TNKS: variants seen among roughly 807,000 people sequenced by gnomAD.
The protein encoded by TNKS is tankyrase, also known as poly [ADP-ribose] polymerase tankyrase-1.
TNKS carries 72 observed loss-of-function variants against 135.8 expected under a neutral mutation model. The ratio of observed to expected loss-of-function variants is 0.53; its 90% confidence interval spans 0.44 to 0.64. TNKS has a LOEUF of 0.64. Ranked by LOEUF, TNKS falls within the 30% of genes least tolerant of loss-of-function variation. TNKS has a pLI of 0.00. For synonymous variants in TNKS, 849 were observed against 649.3 expected (o/e 1.31, Z -4.68); for missense variants, 1,769 against 1,674.0 (o/e 1.06, Z -0.99).
At chr8:9,742,496 C>T (rs923942681) in intron 17 of TNKS, among the ~76,000 whole-genome samples, 1 of 151,550 alleles carries the variant, frequency 6.6e-6, no homozygotes, top group Non-Finnish European at 1.5e-5. Context: ...CTTGTAAAAC[C>T]TATAATCTAT....
chr8:9,767,515 C>A (rs926614498), intron 25 of TNKS, among the ~76,000 whole-genome samples: 4 of 152,118 alleles, frequency 2.6e-5, no homozygotes, highest in African/African-American at 9.7e-5. Context: ...GGGAGAAAAG[C>A]CCCAGTAACC....
At chr8:9,772,936 A>G in intron 26 of TNKS, among the ~76,000 whole-genome samples, 2 of 148,950 alleles carry the variant, frequency 1.3e-5, no homozygotes, top group Non-Finnish European at 3.0e-5. Context: ...AAATGAGATA[A>G]ATAAAACCTT....
chr8:9,750,584 T>C (rs1563208950), intron 18 of TNKS, among the ~76,000 whole-genome samples: 1 of 152,140 alleles, frequency 6.6e-6, no homozygotes, highest in East Asian at 1.9e-4. Flanking sequence ...CTTGCCTATC[T>C]ATCTTCCATT....
intron 3 of TNKS, among the ~76,000 whole-genome samples, chr8:9,643,916 A>G (rs773019577): frequency 2.6e-5 from 4 of 152,186 alleles, no homozygotes; most frequent in African/African-American, 9.7e-5. Context: ...GTGGTATGGA[A>G]TACAATGGAG....
At chr8:9,675,975 C>T (rs910175870) in intron 3 of TNKS, among the ~76,000 whole-genome samples, 14 of 151,050 alleles carry the variant, frequency 9.3e-5, no homozygotes, top group Non-Finnish European at 2.1e-4. Flanking sequence ...GTTTGGATAC[C>T]ATGCATAATG....
intron 3 of TNKS, among the ~76,000 whole-genome samples, chr8:9,673,860 G>T (rs952279894): frequency 6.6e-6 from 1 of 152,054 alleles, no homozygotes; most frequent in African/African-American, 2.4e-5. Context: ...CCATACTTTG[G>T]TGAGCTTTTT....
chr8:9,729,809 C>T (rs1171709060), intron 13 of TNKS, among the ~76,000 whole-genome samples: 2 of 125,688 alleles, frequency 1.6e-5, no homozygotes, highest in East Asian at 2.4e-4. Flanking sequence ...GGGTCTCACT[C>T]TGTCACCAGA....
intron 18 of TNKS, among the ~76,000 whole-genome samples, chr8:9,749,314 G>T (rs1420616568): frequency 6.6e-6 from 1 of 152,126 alleles, no homozygotes; most frequent in East Asian, 1.9e-4. Flanking sequence ...GGGGCAGATA[G>T]TCATCACTGG....
chr8:9,556,406 C>T lies in TNKS; in HGVS notation c.467C>T (p.Ala156Val). 6.2e-7 allele frequency: 1 copy of T among 1,614,234 alleles called. No homozygotes were observed. ...TCGAGCTTGGCGGAGAGCCCCGAGG[C>T]GGCCGGAGTTAGCAGCACAGCACCA... ...PGSSLAESPE[A>V]AGVSSTAPLG... Residue 156 changes from alanine (A) to valine (V), a missense_variant, in exon 1 of 27, where the codon GCG becomes GTG. Ala to Val is a moderately conservative substitution (Grantham distance 64). Transcript: ENST00000310430.
chr8:9,570,965 C>G (rs1797733029), intron 1 of TNKS, among the ~76,000 whole-genome samples: 1 of 152,060 alleles, frequency 6.6e-6, no homozygotes, highest in Non-Finnish European at 1.5e-5. Flanking sequence ...TAAGACCTGT[C>G]TCTTAAATAA....
At chr8:9,609,286 C>T (rs964900783) in intron 2 of TNKS, among the ~76,000 whole-genome samples, 1 of 152,116 alleles carries the variant, frequency 6.6e-6, no homozygotes, top group Non-Finnish European at 1.5e-5. Flanking sequence ...GGACATTTTA[C>T]CAACTGTTTA....
chr8:9,613,345 C>A (rs1563117222), intron 2 of TNKS, among the ~76,000 whole-genome samples: 1 of 152,104 alleles, frequency 6.6e-6, no homozygotes, highest in Non-Finnish European at 1.5e-5. Flanking sequence ...CTGACCAGCA[C>A]CTTTGCTTGT....
chr8:9,750,785 G>A (rs1806481409), intron 18 of TNKS, among the ~76,000 whole-genome samples: 1 of 152,198 alleles, frequency 6.6e-6, no homozygotes, highest in African/African-American at 2.4e-5. Flanking sequence ...AGTTGACTGG[G>A]CTCAGCTGGG....
At chr8:9,770,387 T>G in intron 26 of TNKS, 125 bp downstream of exon 26, 1 of 1,022,066 alleles carries the variant, frequency 9.8e-7, no homozygotes, top group Non-Finnish European at 1.4e-6. Flanking sequence ...TATTAATTAC[T>G]TCAGATACAA....
At chr8:9,741,370 T>C (rs1805950354) in intron 17 of TNKS, among the ~76,000 whole-genome samples, 1 of 152,204 alleles carries the variant, frequency 6.6e-6, no homozygotes, top group African/African-American at 2.4e-5. Context: ...GTAAGGCTTA[T>C]GTTACACTGT....
rs1483177176 is a variant in TNKS at position 9,772,045 on chromosome 8, C to G, written c.3897+1783C>G. 3.4e-5 allele frequency among the ~76,000 whole-genome samples: 3 copies of G among 87,710 alleles called. No individual in the cohort carries two copies. The South Asian group carries it at 1.4e-3, about 40-fold the overall frequency. 57.5% of individuals were successfully genotyped at this position (87,710 alleles called of 152,430 possible). The stretch of plus-strand genomic sequence containing the variant: ...GAGAAAGGGAGGGAGTGAGAGGAGA[C>G]AGAGGTAGGGAGGGATGGAGGGGGA... On this transcript the variant is annotated intron_variant, in intron 26 of 26. Coordinates refer to ENST00000310430, the MANE Select transcript of TNKS (RefSeq NM_003747.3).
intron 3 of TNKS, among the ~76,000 whole-genome samples, chr8:9,618,011 G>A (rs1799711188): frequency 7.3e-6 from 1 of 137,930 alleles, no homozygotes; most frequent in Non-Finnish European, 1.5e-5. Flanking sequence ...TTTTGAGATG[G>A]AGTTTTGCTC....
chr8:9,699,021 C>G lies in TNKS; in HGVS notation c.1108-5642C>G, dbSNP rs150620545. Reference sequence around the variant, plus strand: ...TCCATAATTTACTTTACATGTTTGTCTTTTAAAATGATCCTAACAGAAACG... The same window carrying G: ...TCCATAATTTACTTTACATGTTTGTGTTTTAAAATGATCCTAACAGAAACG... On this transcript the variant is annotated intron_variant, in intron 5 of 26. Transcript: ENST00000310430. Among the ~76,000 whole-genome samples the G allele has an allele frequency of 7.1e-4, 108 of 152,210 alleles. 1 individual carries two copies. The highest frequency in any genetic ancestry group is 2.6e-3 in the African/African-American group (106 of 41,514).
chr8:9,564,669 T>C (rs1797457361), intron 1 of TNKS, among the ~76,000 whole-genome samples: 1 of 152,254 alleles, frequency 6.6e-6, no homozygotes, highest in Non-Finnish European at 1.5e-5. Context: ...GTCATTGTCC[T>C]TGAAGCTACT....
Sources: allele counts gnomAD v4.1 joint callset (sites outside exome capture counted in the v4.1 genomes callset), GRCh38; gene constraint gnomAD v4.1.1; transcripts MANE v1.5; gene names NCBI Gene and HGNC (gene_info 2026-07-23, HGNC 2026-07-21).